Variants in UBE2O observed in about 807,000 individuals in gnomAD.
UBE2O encodes the protein ubiquitin conjugating enzyme E2 O.
UBE2O carries 15 observed loss-of-function variants against 125.8 expected under a neutral mutation model. The ratio of observed to expected loss-of-function variants is 0.12; its 90% CI spans 0.08 to 0.18. UBE2O has a LOEUF of 0.18. Ranked by LOEUF, UBE2O falls within the 10% of genes least tolerant of loss-of-function variation. The pLI is 1.00. For missense variants in UBE2O, 1,280 were observed against 1,723.6 expected, an observed-to-expected ratio of 0.74 and a Z score of 4.56; for synonymous variants, 708 against 703.2, an observed-to-expected ratio of 1.01 and a Z score of -0.11.
intron 1 of UBE2O, among the ~76,000 whole-genome samples, chr17:76,439,101 G>A (rs1000905525): frequency 6.6e-6 from 1 of 152,204 alleles, no homozygotes; most frequent in Non-Finnish European, 1.5e-5. Flanking sequence ...GACACCAGTG[G>A]CCTTTCCAGG....
Position 76,399,496 on chromosome 17 carries a change from G to A in UBE2O, c.1581C>T (p.His527=), listed in dbSNP as rs760724773. 5 of 1,614,040 alleles carry A rather than the reference G, an allele frequency of 3.1e-6. No homozygotes were observed. The African/African-American group carries it at 6.7e-5, about 22-fold the overall frequency. ...PLSIKNLKRK[H]KRKKNKITRD... ...GAGTGATTTTATTCTTCTTCCTCTT[G>A]TGTTTGCGCTTTAAGTTCTTGATGG... The change falls in exon 9 of 18, where the codon CAC becomes CAT. Residue 527 remains histidine (H), a synonymous_variant. Coordinates refer to ENST00000319380, the MANE Select transcript of UBE2O (RefSeq NM_022066.4). This position sits in a 1 kb window ranked among gnomAD's most constrained non-coding sequence, Gnocchi z 6.9.
In UBE2O at chr17:76,420,868, C is replaced by G. The variant is rs558254633; in HGVS notation, c.418-15296G>C. On this transcript the variant is annotated intron_variant, in intron 1 of 17. Transcript: ENST00000319380. ...GCTGACCCCAGTGAGTTGGCAGGGA[C>G]GGCCTTGTCACTCACCCCCCTAGAC... Among the ~76,000 whole-genome samples the G allele has an allele frequency of 6.6e-4, 100 of 152,198 alleles. 1 individual carries two copies. Among genetic ancestry groups the G allele is most frequent in the Middle Eastern group, 3.4e-3 (1 of 294 alleles).
chr17:76,397,600 T>C (rs898085), intron 13 of UBE2O, among the ~76,000 whole-genome samples, 199 bp downstream of exon 13: 39,371 of 152,182 alleles, frequency 0.26, 5,650 homozygotes, highest in East Asian at 0.49. Context: ...CGTGAAGAGA[T>C]TGCTGGGAGA....
At position 76,453,061 on chromosome 17, in the gene UBE2O, G is replaced by A. The variant is rs2073286262; in HGVS notation, c.81C>T (p.Ala27=). 1.5e-6 allele frequency: 2 copies of A among 1,319,806 alleles called. No individual in the cohort carries two copies. The highest frequency in any genetic ancestry group is 2.0e-6 in the Non-Finnish European group (2 of 1,014,506). The allele number at this position is 1,319,806 out of a possible 1,614,324, so 81.8% of individuals were successfully genotyped here. The change falls in exon 1 of 18, where the codon GCC becomes GCT. Residue 27 remains alanine, a synonymous_variant. Coordinates refer to ENST00000319380, the MANE Select transcript of UBE2O (RefSeq NM_022066.4). ...APAPAPEAVP[A]PAAAPVPAPA... ...GCGCCGGGACGGGGGCTGCGGCTGGGGCCGGGACTGCCTCCGGGGCTGGAG... is the reference window on the plus strand; with the variant it reads ...GCGCCGGGACGGGGGCTGCGGCTGGAGCCGGGACTGCCTCCGGGGCTGGAG...
Position 76,399,120 on chromosome 17 carries a change from G to T in UBE2O, c.1629-129C>A. On this transcript the variant is annotated intron_variant, in intron 9 of 17. Coordinates refer to ENST00000319380, the MANE Select transcript of UBE2O (RefSeq NM_022066.4). The surrounding 1 kb of genome is among the most constrained non-coding windows in gnomAD (Gnocchi z 6.9). ...GAAACTCTGAATCCCAGGTTGGCAG[G>T]ATGAGTCTCTGGTGCACAGGAAGCT... 1 of 1,259,802 alleles carries T rather than the reference G, an allele frequency of 7.9e-7. No individual in the cohort carries two copies. The highest frequency in any genetic ancestry group is 1.1e-6 in the Non-Finnish European group (1 of 925,410). The allele number at this position is 1,259,802 out of a possible 1,614,324, so 78.0% of individuals were successfully genotyped here.
intron 1 of UBE2O, among the ~76,000 whole-genome samples, chr17:76,432,921 G>C (rs9903640): frequency 0.26 from 38,847 of 152,018 alleles, 5,515 homozygotes; most frequent in East Asian, 0.49. Flanking sequence ...TATAAACAAA[G>C]TGACAGTCAC....
chr17:76,419,455 C>A (rs2072672004), intron 1 of UBE2O, among the ~76,000 whole-genome samples: 1 of 152,040 alleles, frequency 6.6e-6, no homozygotes, highest in South Asian at 2.1e-4. Context: ...GGGATCAAGG[C>A]GTAAAAGCAA....
In UBE2O at chr17:76,400,052, C is replaced by G. The variant is rs747471107; in HGVS notation, c.1155+95G>C. ...CGGCAAGGGTCATCAGGGCTGCCCCCCAAGGCCTAAAGCACAGACTGTCCT... is the reference window on the plus strand; with the variant it reads ...CGGCAAGGGTCATCAGGGCTGCCCCGCAAGGCCTAAAGCACAGACTGTCCT... On this transcript the variant is annotated intron_variant, in intron 8 of 17. Transcript: ENST00000319380. The surrounding 1 kb of genome is among the most constrained non-coding windows in gnomAD (Gnocchi z 4.3). 5 of 1,542,644 alleles carry G rather than the reference C, an allele frequency of 3.2e-6. No homozygotes were observed. Among genetic ancestry groups the G allele is most frequent in the Non-Finnish European group, 3.5e-6 (4 of 1,141,242 alleles).
intron 1 of UBE2O, among the ~76,000 whole-genome samples, chr17:76,436,038 G>A (rs546847407): frequency 6.6e-5 from 10 of 152,310 alleles, no homozygotes; most frequent in Admixed American, 3.3e-4. Flanking sequence ...CCTGAGCTCA[G>A]GAGTATGAGA....
chr17:76,402,610 G>A lies in UBE2O; in HGVS notation c.678C>T (p.Asn226=), dbSNP rs568559821. ...LKNQIILKLS[N]GARCSMNTED... Reference sequence around the variant, plus strand: ...TGGTGGTGAGACTCTACCTGGCGCCGTTGGATAGCTTCAGGATGATCTGGT... The same window carrying A: ...TGGTGGTGAGACTCTACCTGGCGCCATTGGATAGCTTCAGGATGATCTGGT... The change falls in exon 4 of 18, where the codon AAC becomes AAT. Residue 226 remains asparagine, a synonymous_variant. Transcript: ENST00000319380. The surrounding 1 kb of genome is among the most constrained non-coding windows in gnomAD (Gnocchi z 5.4). 1.6e-5 allele frequency: 26 copies of A among 1,613,944 alleles called. No individual in the cohort carries two copies. The highest frequency in any genetic ancestry group is 3.3e-5 in the Admixed American group (2 of 60,006).
chr17:76,406,438 G>A (rs1327105893), intron 1 of UBE2O, among the ~76,000 whole-genome samples: 1 of 151,940 alleles, frequency 6.6e-6, no homozygotes, highest in Non-Finnish European at 1.5e-5. Flanking sequence ...TCCTCAAATA[G>A]CCAACCAGAC....
chr17:76,407,458 A>G (rs2143740828), intron 1 of UBE2O, among the ~76,000 whole-genome samples: 1 of 152,320 alleles, frequency 6.6e-6, no homozygotes, highest in Non-Finnish European at 1.5e-5. Context: ...AAAAGCCACA[A>G]TTGCTCCCAG....
rs2073109576 is a variant in UBE2O, at chr17:76,443,615, A to G, written c.417+9110T>C. 2.6e-5 allele frequency among the ~76,000 whole-genome samples: 4 copies of G among 151,334 alleles called. No individual in the cohort carries two copies. In the South Asian group the frequency reaches 8.4e-4, roughly 32 times the overall value. ...GAACATTTTTTTTTTTTTTAAGTCC[A>G]CAGACTTGGGGATGGGAAGGGCAGT... On this transcript the variant is annotated intron_variant, in intron 1 of 17. Transcript: ENST00000319380.
At chr17:76,423,725 T>TAAATAAATAAATAAATAAATAAAAAAA (rs1407680083) in intron 1 of UBE2O, among the ~76,000 whole-genome samples, 1 of 148,836 alleles carries the variant, frequency 6.7e-6, no homozygotes, top group Non-Finnish European at 1.5e-5. Context: ...AATAAATAAA[T>TAAATAAATAAATAAATAAATAAAAAAA]AAAAAATAAG....
chr17:76,392,422 G>A (rs1336418351), intron 15 of UBE2O, among the ~76,000 whole-genome samples: 3 of 152,088 alleles, frequency 2.0e-5, no homozygotes, highest in East Asian at 1.9e-4. Flanking sequence ...GGGCCACCGT[G>A]CCCAGATGAT....
At chr17:76,439,977 T>C (rs1033645401) in intron 1 of UBE2O, among the ~76,000 whole-genome samples, 1 of 152,176 alleles carries the variant, frequency 6.6e-6, no homozygotes, top group African/African-American at 2.4e-5. Flanking sequence ...AAGTGCTCAC[T>C]AAACAAATCT....
Position 76,400,947 on chromosome 17 carries a change from A to AG in UBE2O, c.894+63dup. 2 of 1,584,972 alleles carry AG rather than the reference A, an allele frequency of 1.3e-6. No homozygotes were observed. Among genetic ancestry groups the AG allele is most frequent in the Non-Finnish European group, 1.7e-6 (2 of 1,160,890 alleles). On this transcript the variant is annotated intron_variant, in intron 6 of 17. Coordinates refer to ENST00000319380, the MANE Select transcript of UBE2O (RefSeq NM_022066.4). This position sits in a 1 kb window ranked among gnomAD's most constrained non-coding sequence, Gnocchi z 4.3. Reference sequence around the variant, plus strand: ...CCTCAAGAGCAGGAAGGAAAGGGGCAGCAGCTCAGCTCCAGGGTGTGGAGG... The same window carrying AG: ...CCTCAAGAGCAGGAAGGAAAGGGGCAGGCAGCTCAGCTCCAGGGTGTGGAGG...
At chr17:76,433,635 A>G (rs2143857057) in intron 1 of UBE2O, among the ~76,000 whole-genome samples, 1 of 151,108 alleles carries the variant, frequency 6.6e-6, no homozygotes, top group South Asian at 2.1e-4. Context: ...TGGGGTCTCG[A>G]TCGCTTGAAC....
chr17:76,399,380 C>A lies in UBE2O; in HGVS notation c.1628+69G>T. 2.7e-6 allele frequency: 4 copies of A among 1,480,680 alleles called. No individual in the cohort carries two copies. The highest frequency in any genetic ancestry group is 2.3e-5 in the East Asian group (1 of 44,174). 91.7% of individuals were successfully genotyped at this position (1,480,680 alleles called of 1,614,324 possible). A position where few individuals can be genotyped will look rare whatever the true frequency, so the allele number is the denominator to read the frequency against. On this transcript the variant is annotated intron_variant, in intron 9 of 17. Transcript: ENST00000319380. The surrounding 1 kb of genome is among the most constrained non-coding windows in gnomAD (Gnocchi z 6.9). ...GTGTGTGCGAGCGCAGGCACGCACA[C>A]CGAGGGGACGCGCACTCTGCCTGGC...
Sources: gnomAD v4.1 joint callset for allele counts (sites outside exome capture counted in the v4.1 genomes callset) on GRCh38, gnomAD v4.1.1 for gene constraint, Gnocchi (gnomAD v3.1) non-coding constraint, MANE v1.5 for transcripts, NCBI Gene and HGNC (gene_info 2026-07-23, HGNC 2026-07-21) for gene names.